The following VTI1A variants were observed in gnomAD, a reference collection of about 807,000 sequenced individuals.
VTI1A encodes the protein vesicle transport through interaction with t-SNAREs 1A.
Under a neutral mutation model 34.9 loss-of-function variants are expected in VTI1A, and 22 were observed. The ratio of observed to expected loss-of-function variants is 0.63; its 90% CI spans 0.45 to 0.90. The LOEUF (loss-of-function observed/expected upper bound fraction) is 0.90. Among genes scored for constraint, VTI1A ranks in the 40% least tolerant of loss-of-function variants. VTI1A has a pLI of 0.00. For missense variants in VTI1A, 268 were observed against 275.6 expected (o/e 0.97, Z 0.20); for synonymous variants, 87 against 97.3 (o/e 0.89, Z 0.62).
intron 7 of VTI1A, chr10:112,671,892 C>T (rs1308557969): frequency 6.6e-6 from 1 of 152,126 alleles, no homozygotes; most frequent in Non-Finnish European, 1.5e-5. Context: ...CTTTCTTCTG[C>T]TTATTCATTT....
At chr10:112,583,404 G>A (rs990526298) in intron 5 of VTI1A, among the ~76,000 whole-genome samples, 21 of 152,164 alleles carry the variant, frequency 1.4e-4, no homozygotes, top group African/African-American at 4.1e-4. Context: ...TCAGGAATGC[G>A]GTTGCATTCA....
At chr10:112,850,183 A>C in the VTI1A span, among the ~76,000 whole-genome samples, 10 of 152,140 alleles carry the variant, frequency 6.6e-5, no homozygotes, top group African/African-American at 2.4e-4. Context: ...AAATACAGCA[A>C]AGTCTCCTTA....
intron 7 of VTI1A, among the ~76,000 whole-genome samples, chr10:112,776,531 C>T (rs978028167): frequency 6.6e-6 from 1 of 152,182 alleles, no homozygotes; most frequent in African/African-American, 2.4e-5. Context: ...TCCGTCTATC[C>T]GGCCTCCCAT....
intron 7 of VTI1A, among the ~76,000 whole-genome samples, chr10:112,732,445 T>C (rs1347672080): frequency 6.6e-6 from 1 of 152,200 alleles, no homozygotes; most frequent in Non-Finnish European, 1.5e-5. Flanking sequence ...CTCTGTGCAG[T>C]GCAAGCATTC....
intron 5 of VTI1A, among the ~76,000 whole-genome samples, chr10:112,653,104 C>T (rs1847098362): frequency 6.6e-6 from 1 of 152,162 alleles, no homozygotes; most frequent in African/African-American, 2.4e-5. Flanking sequence ...ACTTGGTGTA[C>T]GCCCTCTGTA....
At chr10:112,654,402 C>T (rs1371541924) in intron 5 of VTI1A, among the ~76,000 whole-genome samples, 3 of 152,288 alleles carry the variant, frequency 2.0e-5, no homozygotes, top group Middle Eastern at 3.4e-3. Flanking sequence ...ACCACGCATA[C>T]ATCTCAAATT....
At chr10:112,672,826 T>G (rs1445995751) in intron 7 of VTI1A, 1 of 152,200 alleles carries the variant, frequency 6.6e-6, no homozygotes, top group Non-Finnish European at 1.5e-5. Flanking sequence ...GAAATCATGA[T>G]TCTATTTCCT....
At chr10:112,719,968 C>T (rs1564898442) in intron 7 of VTI1A, among the ~76,000 whole-genome samples, 1 of 152,188 alleles carries the variant, frequency 6.6e-6, no homozygotes, top group Admixed American at 6.5e-5. Flanking sequence ...TTTGCCTATT[C>T]TAGATATTTC....
chr10:112,781,786 C>T (rs541578227), intron 7 of VTI1A, among the ~76,000 whole-genome samples: 91 of 152,152 alleles, frequency 6.0e-4, no homozygotes, highest in African/African-American at 1.7e-3. Context: ...ACCCAGGAGG[C>T]GGAGCTTGCA....
At chr10:112,787,780 C>T (rs1425006068) in intron 7 of VTI1A, among the ~76,000 whole-genome samples, 1 of 141,604 alleles carries the variant, frequency 7.1e-6, no homozygotes, top group Non-Finnish European at 1.5e-5. Context: ...TGTCTCATTG[C>T]AACCTCCACC....
chr10:112,852,321 T>A, the VTI1A span, among the ~76,000 whole-genome samples: 1 of 152,200 alleles, frequency 6.6e-6, no homozygotes, highest in Non-Finnish European at 1.5e-5. Flanking sequence ...CAAAACTTCC[T>A]AGTGATTTGT....
At chr10:112,770,267 G>A (rs754899912) in intron 7 of VTI1A, among the ~76,000 whole-genome samples, 4 of 152,114 alleles carry the variant, frequency 2.6e-5, no homozygotes, top group Non-Finnish European at 5.9e-5. Context: ...CTAGTTAATG[G>A]CAGAGGCAGG....
chr10:112,607,910 C>T (rs1589967478), intron 5 of VTI1A, among the ~76,000 whole-genome samples: 2 of 152,300 alleles, frequency 1.3e-5, no homozygotes, highest in South Asian at 2.1e-4. Flanking sequence ...TGGCAGCTGA[C>T]GTCTCTAAGA....
At chr10:112,536,515 T>C (rs1374077830) in intron 4 of VTI1A, among the ~76,000 whole-genome samples, 1 of 152,212 alleles carries the variant, frequency 6.6e-6, no homozygotes, top group African/African-American at 2.4e-5. Context: ...TTTTTCTTAA[T>C]TACAGCCTTC....
At chr10:112,812,693 A>G (rs1488441371) in intron 7 of VTI1A, among the ~76,000 whole-genome samples, 2 of 151,354 alleles carry the variant, frequency 1.3e-5, no homozygotes, top group East Asian at 1.9e-4. Flanking sequence ...CTCTATTCCA[A>G]CTCTTTCCCC....
chr10:112,593,736 T>TA (rs1369109151), intron 5 of VTI1A, among the ~76,000 whole-genome samples: 1 of 152,020 alleles, frequency 6.6e-6, no homozygotes, highest in Non-Finnish European at 1.5e-5. Context: ...ATCTTTTTTT[T>TA]ATTTTTTTTA....
intron 7 of VTI1A, among the ~76,000 whole-genome samples, chr10:112,708,102 A>C (rs1036436840): frequency 6.6e-6 from 1 of 152,264 alleles, no homozygotes; most frequent in Non-Finnish European, 1.5e-5. Context: ...TGAAGAAGCT[A>C]AACACAAGGA....
At chr10:112,449,768 A>T (rs41292618) in intron 1 of VTI1A, 30,229 of 150,228 alleles carry the variant, frequency 0.2, 3,187 homozygotes, top group African/African-American at 0.28. Context: ...TAAATAAATT[A>T]AAAAAAAACT....
chr10:112,549,012 T>C (rs1589890308), intron 5 of VTI1A: 1 of 603,354 alleles, frequency 1.7e-6, no homozygotes, highest in African/African-American at 1.9e-5. Context: ...TCAAGAAATA[T>C]TTTGAGTGTT....
Sources: gnomAD v4.1 joint callset for allele counts (sites outside exome capture counted in the v4.1 genomes callset) on GRCh38, gnomAD v4.1.1 for gene constraint, MANE v1.5 for transcripts, NCBI Gene and HGNC (gene_info 2026-07-23, HGNC 2026-07-21) for gene names.